VAV3: variants seen among roughly 807,000 people sequenced by gnomAD.
The protein encoded by VAV3 is guanine nucleotide exchange factor VAV3.
Under a neutral mutation model 131.2 loss-of-function variants are expected in VAV3, and 94 were observed. The ratio of observed to expected loss-of-function variants is 0.72; its 90% CI spans 0.61 to 0.85. VAV3 has a LOEUF of 0.85. Ranked by LOEUF, VAV3 falls within the 40% of genes least tolerant of loss-of-function variation. The pLI is 0.00. For synonymous variants in VAV3, 349 were observed against 342.0 expected, an observed-to-expected ratio of 1.02 and a Z score of -0.22; for missense variants, 939 against 1,002.7, an observed-to-expected ratio of 0.94 and a Z score of 0.86.
At chr1:107,711,170 T>C (rs896914736) in intron 15 of VAV3, among the ~76,000 whole-genome samples, 1 of 152,112 alleles carries the variant, frequency 6.6e-6, no homozygotes, top group East Asian at 1.9e-4. Context: ...TAAGAGAAGA[T>C]ATTTAAAAGT....
intron 19 of VAV3, among the ~76,000 whole-genome samples, chr1:107,676,895 T>C (rs1227836894): frequency 6.6e-6 from 1 of 152,140 alleles, no homozygotes; most frequent in Non-Finnish European, 1.5e-5. Context: ...TCTACAATAT[T>C]ACTTTGACAA....
intron 15 of VAV3, among the ~76,000 whole-genome samples, chr1:107,715,124 C>T (rs774989615): frequency 6.6e-6 from 1 of 152,060 alleles, no homozygotes; most frequent in African/African-American, 2.4e-5. Flanking sequence ...AGTTTCCTCA[C>T]CAATCAAAGA....
chr1:107,683,644 A>G, intron 18 of VAV3, 111 bp from the exon 19 acceptor site: 1 of 1,083,808 alleles, frequency 9.2e-7, no homozygotes, highest in Non-Finnish European at 1.4e-6. Flanking sequence ...CACATTTTCC[A>G]AGTCAAAGTA....
intron 2 of VAV3, among the ~76,000 whole-genome samples, chr1:107,866,549 T>A (rs1292423595): frequency 2.0e-5 from 3 of 151,968 alleles, no homozygotes; most frequent in Non-Finnish European, 4.4e-5. Context: ...TGGCATGGTG[T>A]CTCATGCCTA....
At chr1:107,839,975 A>G (rs1018230605) in intron 2 of VAV3, among the ~76,000 whole-genome samples, 1 of 152,162 alleles carries the variant, frequency 6.6e-6, no homozygotes, top group Non-Finnish European at 1.5e-5. Flanking sequence ...GGAGAAATAG[A>G]TAATACCAAC....
At chr1:107,833,538 C>T (rs1668348837) in intron 2 of VAV3, among the ~76,000 whole-genome samples, 2 of 152,126 alleles carry the variant, frequency 1.3e-5, no homozygotes, top group African/African-American at 4.8e-5. Context: ...ATAACTGAGA[C>T]TAACAAAATT....
In VAV3 at chr1:107,749,537, A is replaced by T. The variant is rs770175849; in HGVS notation, c.1317T>A (p.Tyr439Ter). The change falls in exon 14 of 27, where the codon TAT becomes TAA. Residue 439 changes from tyrosine (Y) to a stop codon, truncating the protein, a stop_gained. Coordinates refer to ENST00000370056, the MANE Select transcript of VAV3 (RefSeq NM_006113.5). LOFTEE classifies it high-confidence loss of function. ...VIVCKRKGDN[Y>*]EMKEIIDLQQ... ...GAAGATCTATTATTTCCTTCATTTC[A>T]TAGTTATCACCTTTTCTCTTACATA... 1 of 1,612,022 alleles carries T rather than the reference A, an allele frequency of 6.2e-7. No homozygotes were observed. The highest frequency in any genetic ancestry group is 1.1e-5 in the South Asian group (1 of 90,752).
At chr1:107,603,233 T>C in intron 22 of VAV3, 70 bp from the exon 23 acceptor site, 2 of 1,105,614 alleles carry the variant, frequency 1.8e-6, no homozygotes, top group Non-Finnish European at 2.7e-6. Context: ...AAAGTAAGTA[T>C]CTCTCAATAT....
In VAV3 at chr1:107,780,034, T is replaced by C. The variant is rs533724762; in HGVS notation, c.322-542A>G. Among the ~76,000 whole-genome samples the C allele has an allele frequency of 3.3e-5, 5 of 152,342 alleles. No individual in the cohort carries two copies. In the South Asian group the frequency reaches 1.0e-3, roughly 32 times the overall value. On this transcript the variant is annotated intron_variant, in intron 2 of 26. Transcript: ENST00000370056. ...AAAGTTCTATTGGACAGTCCTGCTA[T>C]ATAGCAAAGCAGGTGAGACTGTGGG...
intron 1 of VAV3, among the ~76,000 whole-genome samples, chr1:107,963,132 T>A (rs1675213607): frequency 1.3e-5 from 2 of 152,104 alleles, no homozygotes; most frequent in African/African-American, 4.8e-5. Flanking sequence ...CCAGAAAACG[T>A]GATTATTGAG....
At chr1:107,860,765 G>T (rs1044025770) in intron 2 of VAV3, among the ~76,000 whole-genome samples, 1 of 151,596 alleles carries the variant, frequency 6.6e-6, no homozygotes, top group Non-Finnish European at 1.5e-5. Flanking sequence ...GCACAGTGGC[G>T]TGCACTTGCA....
chr1:107,941,101 C>G (rs1673965887), intron 1 of VAV3, among the ~76,000 whole-genome samples: 1 of 152,090 alleles, frequency 6.6e-6, no homozygotes, highest in Admixed American at 6.6e-5. Flanking sequence ...TCTTCTCCCT[C>G]AAAGCCTGGC....
In VAV3 at chr1:107,616,805, G is replaced by A. The variant is rs536404705; in HGVS notation, c.1980+762C>T. Among the ~76,000 whole-genome samples the A allele has an allele frequency of 3.9e-5, 6 of 152,208 alleles. No individual in the cohort carries two copies. In the East Asian group the frequency reaches 1.2e-3, roughly 29 times the overall value. ...GTAACTACTGAAATATAGCAAGCAC[G>A]ATAGATTAAGGAGAGTTTTTCCCCT... On this transcript the variant is annotated intron_variant, in intron 21 of 26. Coordinates refer to ENST00000370056, the MANE Select transcript of VAV3 (RefSeq NM_006113.5).
chr1:107,952,956 C>T (rs976652833), intron 1 of VAV3, among the ~76,000 whole-genome samples: 1 of 152,120 alleles, frequency 6.6e-6, no homozygotes, highest in Non-Finnish European at 1.5e-5. Context: ...ACAGAAATTT[C>T]GTTGTTTTAG....
chr1:107,828,927 A>C (rs1380269657), intron 2 of VAV3, among the ~76,000 whole-genome samples: 1 of 152,232 alleles, frequency 6.6e-6, no homozygotes, highest in African/African-American at 2.4e-5. Context: ...TAACACCTGC[A>C]AAATGAGAAG....
chr1:107,806,836 C>A (rs1156304941), intron 2 of VAV3, among the ~76,000 whole-genome samples: 1 of 152,156 alleles, frequency 6.6e-6, no homozygotes, highest in Non-Finnish European at 1.5e-5. Context: ...ATAACAAAAT[C>A]TACAGATTCT....
intron 2 of VAV3, among the ~76,000 whole-genome samples, chr1:107,814,014 G>GTA (rs1386830214): frequency 4.3e-5 from 6 of 138,486 alleles, no homozygotes; most frequent in Non-Finnish European, 9.5e-5. Context: ...GTGTGTGTGT[G>GTA]TATACACACC....
chr1:107,843,855 G>A (rs775888479), intron 2 of VAV3, among the ~76,000 whole-genome samples: 7 of 151,904 alleles, frequency 4.6e-5, no homozygotes, highest in Non-Finnish European at 1.0e-4. Context: ...TCCACTGTGG[G>A]GGTTCAAAGA....
intron 12 of VAV3, among the ~76,000 whole-genome samples, chr1:107,753,549 T>TATATGTATATATATATAC (rs771773884): frequency 3.7e-5 from 3 of 82,050 alleles, no homozygotes; most frequent in African/African-American, 4.6e-5. Flanking sequence ...TATATATATA[T>TATATGTATATATATATAC]ACACACACAC....
Sources: gnomAD v4.1 joint callset for allele counts (sites outside exome capture counted in the v4.1 genomes callset) on GRCh38, gnomAD v4.1.1 for gene constraint, MANE v1.5 for transcripts, NCBI Gene and HGNC (gene_info 2026-07-23, HGNC 2026-07-21) for gene names.